Variants in MAGED1 observed in about 807,000 individuals in gnomAD.
The protein encoded by MAGED1 is melanoma-associated antigen D1.
A neutral mutation model predicts 54.1 loss-of-function variants in MAGED1; 3 were observed. The observed-to-expected ratio is 0.06, with a 90% confidence interval of 0.03 to 0.14. MAGED1 has a LOEUF of 0.14. Among genes scored for constraint, MAGED1 ranks in the 10% least tolerant of loss-of-function variants. MAGED1 has a pLI of 1.00. For synonymous variants in MAGED1, 217 were observed against 227.3 expected (o/e 0.95, Z 0.41); for missense variants, 485 against 623.4 (o/e 0.78, Z 2.36).
intron 1 of MAGED1, among the ~76,000 whole-genome samples, chrX:51,816,615 C>A (rs1442742102): frequency 2.7e-5 from 3 of 110,688 alleles, no homozygotes; most frequent in Admixed American, 9.6e-5. Context: ...TAGTGTATAC[C>A]ATCTAGGTTT....
chrX:51,816,735 GAAAA>G (rs58465198), intron 1 of MAGED1, among the ~76,000 whole-genome samples: 5 of 105,849 alleles, frequency 4.7e-5, no homozygotes, highest in Non-Finnish European at 3.9e-5. Context: ...GTAAAAGAAA[GAAAA>G]AAAAAAAACA....
intron 1 of MAGED1, among the ~76,000 whole-genome samples, chrX:51,804,799 G>A (rs1168542558): frequency 8.9e-6 from 1 of 111,827 alleles, no homozygotes; most frequent in Non-Finnish European, 1.9e-5. Flanking sequence ...TGGGCAGGAA[G>A]GCTTCACTGG....
At chrX:51,863,342 A>ATG (rs1469744115) in intron 1 of MAGED1, among the ~76,000 whole-genome samples, 3 of 111,787 alleles carry the variant, frequency 2.7e-5, no homozygotes, top group Admixed American at 9.4e-5. Context: ...GTGTGTATGT[A>ATG]TGTGTGTGTG....
At chrX:51,877,050 T>A (rs374615391) in intron 1 of MAGED1, among the ~76,000 whole-genome samples, 2 of 110,872 alleles carry the variant, frequency 1.8e-5, no homozygotes, top group Non-Finnish European at 3.8e-5. Context: ...AATATTTGTT[T>A]GGCTTTTCAA....
chrX:51,900,865 C>T (rs903856114), intron 11 of MAGED1, among the ~76,000 whole-genome samples: 9 of 112,244 alleles, frequency 8.0e-5, no homozygotes, highest in Non-Finnish European at 1.5e-4. Context: ...AACTCCTGAC[C>T]TCAAGTGATC....
intron 1 of MAGED1, among the ~76,000 whole-genome samples, chrX:51,838,436 C>T (rs782659712): frequency 8.9e-6 from 1 of 112,292 alleles, no homozygotes; most frequent in African/African-American, 3.2e-5. Flanking sequence ...GTGATTCCAT[C>T]ACAAAAATTT....
At chrX:51,822,465 G>A (rs1324603066) in intron 1 of MAGED1, among the ~76,000 whole-genome samples, 1 of 110,110 alleles carries the variant, frequency 9.1e-6, no homozygotes, top group East Asian at 2.8e-4. Context: ...TGATCTTTTG[G>A]AAGTACCAAC....
At chrX:51,816,239 C>T (rs781998351) in intron 1 of MAGED1, among the ~76,000 whole-genome samples, 1 of 110,234 alleles carries the variant, frequency 9.1e-6, no homozygotes, top group South Asian at 3.9e-4. Flanking sequence ...CTCGCCCTCC[C>T]GAGTAGCTGG....
intron 1 of MAGED1, among the ~76,000 whole-genome samples, chrX:51,872,978 G>T (rs1334172710): frequency 2.7e-4 from 30 of 110,996 alleles, no homozygotes; most frequent in African/African-American, 9.5e-4. Context: ...GGGTGGCCCT[G>T]CTCTGTCTAT....
intron 1 of MAGED1, among the ~76,000 whole-genome samples, chrX:51,853,692 AT>A (rs1557359961): frequency 8.9e-6 from 1 of 112,104 alleles, no homozygotes; most frequent in African/African-American, 3.2e-5. Flanking sequence ...CCATACTGCC[AT>A]TTTATTGTTT....
intron 1 of MAGED1, among the ~76,000 whole-genome samples, chrX:51,866,030 A>G (rs782647075): frequency 2.9e-4 from 32 of 112,063 alleles, no homozygotes; most frequent in Admixed American, 9.5e-5. Context: ...GTGGAACCAT[A>G]AACTAATTAA....
chrX:51,829,146 T>G (rs1211685169), intron 1 of MAGED1, among the ~76,000 whole-genome samples: 1 of 111,405 alleles, frequency 9.0e-6, no homozygotes, highest in Non-Finnish European at 1.9e-5. Context: ...AGAGAAAAAT[T>G]GAAGACAGCA....
At chrX:51,838,534 C>T (rs1477742292) in intron 1 of MAGED1, among the ~76,000 whole-genome samples, 2 of 112,123 alleles carry the variant, frequency 1.8e-5, no homozygotes, top group Non-Finnish European at 3.8e-5. Context: ...CAAATTAGTA[C>T]ATCTCTTGTT....
chrX:51,864,426 A>G (rs1557360949), intron 1 of MAGED1, among the ~76,000 whole-genome samples: 1 of 111,377 alleles, frequency 9.0e-6, no homozygotes, highest in Non-Finnish European at 1.9e-5. Flanking sequence ...TTTGATTACT[A>G]TAGCTTTGTA....
intron 2 of MAGED1, chrX:51,894,790 C>A: frequency 8.7e-7 from 1 of 1,144,191 alleles, no homozygotes; most frequent in Non-Finnish European, 1.2e-6. Context: ...GCGTCCCCGG[C>A]TCCTGTTCGT....
intron 2 of MAGED1, 73 bp from the exon 3 acceptor site, chrX:51,894,980 G>A: frequency 2.1e-6 from 2 of 972,843 alleles, no homozygotes; most frequent in Non-Finnish European, 2.8e-6. Context: ...GCTGCCACCC[G>A]GGCTCCCTAT....
chrX:51,804,025 G>C (rs1924949961), intron 1 of MAGED1, among the ~76,000 whole-genome samples: 1 of 111,752 alleles, frequency 8.9e-6, no homozygotes, highest in Non-Finnish European at 1.9e-5. Flanking sequence ...TCTGGTCTCT[G>C]ATAGCAACAT....
chrX:51,846,607 A>G (rs868914111), intron 1 of MAGED1, among the ~76,000 whole-genome samples: 1 of 111,976 alleles, frequency 8.9e-6, no homozygotes, highest in African/African-American at 3.3e-5. Flanking sequence ...TAATTGGCTC[A>G]CAGTTCTGCA....
rs1034016748 is a variant in MAGED1, at chrX:51,880,272, C to T, written c.-36-13997C>T. On this transcript the variant is annotated intron_variant, in intron 1 of 12. Coordinates refer to the MAGED1 transcript ENST00000375772. ...ACAGTAAAGAAGGAAGCTCACTCAA[C>T]AGCTACCTGCTTGGACAGACATTGA... 8.0e-5 allele frequency among the ~76,000 whole-genome samples: 9 copies of T among 112,118 alleles called. No individual in the cohort carries two copies. In the East Asian group the frequency reaches 2.2e-3, roughly 28 times the overall value.
Sources: allele counts gnomAD v4.1 joint callset (sites outside exome capture counted in the v4.1 genomes callset), GRCh38; gene constraint gnomAD v4.1.1; transcripts MANE v1.5; gene names NCBI Gene and HGNC (gene_info 2026-07-23, HGNC 2026-07-21).